The following PRDM11 variants were observed in gnomAD, a reference collection of about 807,000 sequenced individuals.
The protein encoded by PRDM11 is PR domain-containing protein 11.
A neutral mutation model predicts 97.8 loss-of-function variants in PRDM11; 20 were observed. That is an observed-to-expected ratio of 0.20 (90% CI 0.14 to 0.30). The LOEUF (loss-of-function observed/expected upper bound fraction) is 0.30, where lower values mean the gene tolerates loss of function less well. PRDM11 is among the 10% of genes least tolerant of loss of function. The pLI, the probability that PRDM11 is intolerant of heterozygous loss-of-function variation, is 1.00. For synonymous variants in PRDM11, 599 were observed against 637.7 expected, an observed-to-expected ratio of 0.94 and a Z score of 0.91; for missense variants, 1,139 against 1,555.2, an observed-to-expected ratio of 0.73 and a Z score of 4.50.
chr11:45,181,673 G>C, intron 1 of PRDM11, 88 bp from the exon 2 acceptor site: 1 of 1,083,548 alleles, frequency 9.2e-7, no homozygotes, highest in South Asian at 1.4e-5. Context: ...GACTCCGCGA[G>C]ACCCCCACTT....
At chr11:45,215,312 G>A (rs1301372294) in intron 5 of PRDM11, among the ~76,000 whole-genome samples, 2 of 152,196 alleles carry the variant, frequency 1.3e-5, no homozygotes, top group Non-Finnish European at 2.9e-5. Context: ...CTTCTCTCAG[G>A]CAGGAAATCC....
chr11:45,224,516 A>G lies in PRDM11; in HGVS notation c.1042A>G (p.Thr348Ala). ...QDDAYSQCATTMTHGVQNIGQ... is the reference protein window; with the variant it reads ...QDDAYSQCATAMTHGVQNIGQ... ...TGACGCCTACAGTCAGTGTGCAACA[A>G]CAATGACCCATGGTGTGCAGAATAT... The change falls in exon 7 of 8, where the codon ACA becomes GCA. Residue 348 changes from threonine to alanine, a missense_variant. This residue lies in a region of PRDM11 where 429 missense variants were observed against 510.3 expected (regional missense o/e 0.84). Coordinates refer to ENST00000683152, the MANE Select transcript of PRDM11 (RefSeq NM_001384648.1). The G allele has an allele frequency of 6.2e-7, 1 of 1,614,166 alleles. No homozygotes were observed. Among genetic ancestry groups the G allele is most frequent in the Non-Finnish European group, 8.5e-7 (1 of 1,180,020 alleles).
rs1565227810 is a variant in PRDM11 at position 45,111,217 on chromosome 11, CCCA to C, written c.96+15319_96+15321del. Among the ~76,000 whole-genome samples the C allele has an allele frequency of 3.7e-5, 2 of 54,606 alleles. 1 individual carries two copies. The highest frequency in any genetic ancestry group is 1.7e-4 in the Non-Finnish European group (2 of 11,934). The allele number at this position is 54,606 out of a possible 152,430, so 35.8% of individuals were successfully genotyped here. On this transcript the variant is annotated intron_variant, in intron 1 of 6. Coordinates refer to the PRDM11 transcript ENST00000530656. ...AAGATTTATCTTTCTTACAATCCAT[CCCA>C]CCCTGTCCCTCCACCACTTCCCCTC...
intron 1 of PRDM11, among the ~76,000 whole-genome samples, chr11:45,130,103 T>C (rs968010897): frequency 6.6e-6 from 1 of 152,142 alleles, no homozygotes; most frequent in Non-Finnish European, 1.5e-5. Context: ...TGAAGCTTGA[T>C]CCCTACCTCA....
At chr11:45,197,673 C>G (rs1197094264) in intron 4 of PRDM11, among the ~76,000 whole-genome samples, 3 of 152,014 alleles carry the variant, frequency 2.0e-5, no homozygotes, top group African/African-American at 7.3e-5. Flanking sequence ...AAAAAGCGGT[C>G]TAAACCGAAA....
intron 4 of PRDM11, among the ~76,000 whole-genome samples, chr11:45,186,726 AATT>A (rs1311275238): frequency 1.3e-5 from 2 of 152,180 alleles, no homozygotes; most frequent in Non-Finnish European, 2.9e-5. Context: ...CCCACTGAGC[AATT>A]ATTATATGCC....
Position 45,161,546 on chromosome 11 carries a change from A to G in PRDM11, c.-7+14669A>G, listed in dbSNP as rs182538645. ...CTTCAGGCAGGTTTCCCGGCTGTCA[A>G]TGAGGTTCGTTGTGGCTGCGGATTT... On this transcript the variant is annotated intron_variant, in intron 1 of 7. Coordinates refer to ENST00000683152, the MANE Select transcript of PRDM11 (RefSeq NM_001384648.1). Among the ~76,000 whole-genome samples the G allele has an allele frequency of 1.8e-3, 269 of 152,282 alleles. 3 individuals carry two copies. The highest frequency in any genetic ancestry group is 5.9e-3 in the African/African-American group (245 of 41,550).
At chr11:45,123,485 A>T (rs1452717893) in intron 1 of PRDM11, among the ~76,000 whole-genome samples, 1 of 151,866 alleles carries the variant, frequency 6.6e-6, no homozygotes, top group Non-Finnish European at 1.5e-5. Context: ...TAGGTCTAAC[A>T]TGTAAGTCTT....
intron 5 of PRDM11, among the ~76,000 whole-genome samples, chr11:45,209,982 T>C (rs955362056): frequency 1.3e-5 from 2 of 151,918 alleles, no homozygotes; most frequent in Non-Finnish European, 2.9e-5. Flanking sequence ...GAGAACAGCA[T>C]GTACGAGGCC....
At chr11:45,217,097 A>G (rs1168096550) in intron 5 of PRDM11, among the ~76,000 whole-genome samples, 2 of 152,224 alleles carry the variant, frequency 1.3e-5, no homozygotes, top group Non-Finnish European at 2.9e-5. Context: ...AGTTTGGAAC[A>G]ACTTCTATTC....
intron 4 of PRDM11, among the ~76,000 whole-genome samples, chr11:45,204,357 G>C (rs540787355): frequency 6.6e-6 from 1 of 152,206 alleles, no homozygotes; most frequent in Non-Finnish European, 1.5e-5. Flanking sequence ...GTTGCAGTGC[G>C]AGGCCAGTGG....
At chr11:45,147,388 G>T (rs1255429292) in intron 1 of PRDM11, 2 of 152,200 alleles carry the variant, frequency 1.3e-5, no homozygotes, top group Non-Finnish European at 2.9e-5. Context: ...CTGCTGCGGG[G>T]TGCTCGGGGA....
At chr11:45,160,573 T>G (rs1171133087) in intron 1 of PRDM11, among the ~76,000 whole-genome samples, 1 of 152,224 alleles carries the variant, frequency 6.6e-6, no homozygotes, top group African/African-American at 2.4e-5. Flanking sequence ...CAAATTGCTT[T>G]TCTCACTTAA....
chr11:45,147,172 C>T (rs1194872141), intron 1 of PRDM11, among the ~76,000 whole-genome samples: 2 of 151,732 alleles, frequency 1.3e-5, no homozygotes, highest in African/African-American at 2.4e-5. Context: ...CGCTCCTCGC[C>T]TTGTTACAAT....
chr11:45,148,553 T>C (rs1851580875), intron 1 of PRDM11, among the ~76,000 whole-genome samples: 1 of 152,300 alleles, frequency 6.6e-6, no homozygotes, highest in South Asian at 2.1e-4. Flanking sequence ...TCTCGTTTCC[T>C]TCCCTGGTGA....
intron 1 of PRDM11, among the ~76,000 whole-genome samples, chr11:45,134,232 A>C (rs945541405): frequency 6.6e-6 from 1 of 152,218 alleles, no homozygotes; most frequent in Non-Finnish European, 1.5e-5. Context: ...CAAATAGCTC[A>C]TGCTGAAATA....
intron 1 of PRDM11, among the ~76,000 whole-genome samples, chr11:45,167,654 A>G (rs182352456): frequency 6.6e-6 from 1 of 152,202 alleles, no homozygotes; most frequent in East Asian, 1.9e-4. Context: ...TAGCAGCAGA[A>G]ATGATTCAGA....
intron 1 of PRDM11, among the ~76,000 whole-genome samples, chr11:45,172,417 C>T (rs1565286995): frequency 1.3e-5 from 2 of 152,226 alleles, no homozygotes; most frequent in Non-Finnish European, 2.9e-5. Flanking sequence ...CATCCTGAAG[C>T]TATCTGGGGG....
intron 5 of PRDM11, chr11:45,213,344 G>A (rs768037289): frequency 6.6e-6 from 3 of 454,538 alleles, no homozygotes; most frequent in South Asian, 3.1e-5. Context: ...CTTGCAGGGA[G>A]GGGGGCGCAA....
Sources: allele counts gnomAD v4.1 joint callset (sites outside exome capture counted in the v4.1 genomes callset), GRCh38; gene constraint gnomAD v4.1.1; regional missense constraint gnomAD v4.1.1; transcripts MANE v1.5; gene names NCBI Gene and HGNC (gene_info 2026-07-23, HGNC 2026-07-21).